The following GGT1 variants were observed in gnomAD, a reference collection of about 807,000 sequenced individuals.
GGT1 encodes glutathione hydrolase 1 proenzyme.
Under a neutral mutation model 56.0 loss-of-function variants are expected in GGT1, and 21 were observed. The ratio of observed to expected loss-of-function variants is 0.38; its 90% CI spans 0.27 to 0.54. GGT1 has a LOEUF of 0.54. Ranked by LOEUF, GGT1 falls within the 20% of genes least tolerant of loss-of-function variation. The pLI is 0.82. For missense variants in GGT1, 466 were observed against 787.0 expected, an observed-to-expected ratio of 0.59 and a Z score of 4.88; for synonymous variants, 238 against 342.6, an observed-to-expected ratio of 0.69 and a Z score of 3.37.
chr22:24,613,388 A>G (rs1173016270), intron 5 of GGT1, among the ~76,000 whole-genome samples: 1 of 152,190 alleles, frequency 6.6e-6, no homozygotes, highest in East Asian at 1.9e-4. Context: ...AAAAAATGTT[A>G]TTAATAAAGT....
At position 24,623,157 on chromosome 22, in the gene GGT1, G is replaced by A. The variant is rs772331684; in HGVS notation, c.784G>A (p.Glu262Lys). 10 of 1,606,684 alleles carry A rather than the reference G, an allele frequency of 6.2e-6. No individual in the cohort carries two copies. The highest frequency in any genetic ancestry group is 2.2e-5 in the East Asian group (1 of 44,850). Reference sequence around the variant, plus strand: ...GAACAACTACCGTGCTGAGCTGATCGAGCACCCGCTGAACATCAGCCTGGG... The same window carrying A: ...GAACAACTACCGTGCTGAGCTGATCAAGCACCCGCTGAACATCAGCCTGGG... ...DLNNYRAELI[E>K]HPLNISLGDV... Residue 262 changes from glutamate to lysine, a missense_variant, in exon 10 of 16, where the codon GAG becomes AAG. Coordinates refer to ENST00000400382, the MANE Select transcript of GGT1 (RefSeq NM_001288833.2).
At chr22:24,609,688 G>A (rs2046543139) in intron 2 of GGT1, 7 of 298,848 alleles carry the variant, frequency 2.3e-5, no homozygotes, top group South Asian at 1.1e-4. Context: ...GAAACTGACT[G>A]TGGGAGAGGG....
the GGT1 span, chr22:24,589,053 C>T: frequency 5.8e-6 from 6 of 1,025,690 alleles, no homozygotes; most frequent in Non-Finnish European, 7.1e-6. Flanking sequence ...CTGTGATGGC[C>T]GTGGGCTAGG....
chr22:24,624,052 G>A (rs1238281043), intron 11 of GGT1, 136 bp downstream of exon 11: 6 of 1,517,596 alleles, frequency 4.0e-6, no homozygotes, highest in South Asian at 3.8e-5. Flanking sequence ...CGGGCCTACT[G>A]TGTGCTCGGA....
chr22:24,627,772 A>G, intron 12 of GGT1, 80 bp from the exon 13 acceptor site: 4 of 1,556,588 alleles, frequency 2.6e-6, no homozygotes, highest in East Asian at 2.3e-5. Context: ...CTCAGTGAGT[A>G]TGTTTGAGCC....
intron 1 of GGT1, among the ~76,000 whole-genome samples, chr22:24,596,742 C>CAAAA (rs57547019): frequency 1.3e-4 from 14 of 108,312 alleles, no homozygotes; most frequent in African/African-American, 2.9e-4. Context: ...TACTAAAATA[C>CAAAA]AAAAAAAAAA....
Position 24,627,505 on chromosome 22 carries a change from C to G in GGT1, c.1094C>G (p.Pro365Arg). The stretch of plus-strand genomic sequence containing the variant: ...CAGATCTCTGACGACACCACTCACC[C>G]GATCTCCTACTACAAGCCCGAGTTC... ...RAQISDDTTHPISYYKPEFYT... is the reference protein window; with the variant it reads ...RAQISDDTTHRISYYKPEFYT... Residue 365 changes from proline to arginine, a missense_variant, in exon 12 of 16, where the codon CCG becomes CGG. This residue lies in a region of GGT1 where 456 missense variants were observed against 716.7 expected (regional missense o/e 0.64). Transcript: ENST00000400382. The G allele has an allele frequency of 2.5e-6, 4 of 1,575,614 alleles. No individual in the cohort carries two copies. The highest frequency in any genetic ancestry group is 1.6e-5 in the African/African-American group (1 of 63,648).
the GGT1 span, among the ~76,000 whole-genome samples, chr22:24,587,579 T>C: frequency 1.3e-5 from 2 of 152,118 alleles, no homozygotes; most frequent in African/African-American, 4.8e-5. Context: ...AGTTCAGGCC[T>C]CTGGGCCTGG....
upstream of GGT1, among the ~76,000 whole-genome samples, chr22:24,602,509 C>A (rs2330798): frequency 6.6e-6 from 1 of 152,198 alleles, no homozygotes; most frequent in Non-Finnish European, 1.5e-5. Context: ...GGCCTGCCAG[C>A]GCTGTGGGGG....
At chr22:24,603,712 A>T (rs2045846657) in intron 1 of GGT1, among the ~76,000 whole-genome samples, 185 bp downstream of exon 1, 2 of 150,850 alleles carry the variant, frequency 1.3e-5, no homozygotes, top group Admixed American at 6.6e-5. Context: ...AAGAGGAAAG[A>T]GTGCAGCATG....
intron 5 of GGT1, among the ~76,000 whole-genome samples, chr22:24,612,347 C>A (rs1254334473): frequency 6.8e-6 from 1 of 147,446 alleles, no homozygotes; most frequent in Non-Finnish European, 1.5e-5. Flanking sequence ...TACATGTGCA[C>A]AATGTGCAGG....
chr22:24,592,655 T>TCCAGGCGGTCGCCCTCTCG (rs1489794596), upstream of GGT1: 5 of 818,020 alleles, frequency 6.1e-6, no homozygotes, highest in Non-Finnish European at 8.7e-6. Context: ...CAGCCCTCAC[T>TCCAGGCGGTCGCCCTCTCG]CCAGGCGGTC....
In GGT1 at chr22:24,626,093, C is replaced by T. The variant is rs1017548373; in HGVS notation, c.1021-1339C>T. Among the ~76,000 whole-genome samples, 8 of 140,694 alleles carry T rather than the reference C, an allele frequency of 5.7e-5. 1 individual carries two copies. Among genetic ancestry groups the T allele is most frequent in the Non-Finnish European group, 7.5e-5 (5 of 66,500 alleles). 92.3% of individuals were successfully genotyped at this position (140,694 alleles called of 152,430 possible). On this transcript the variant is annotated intron_variant, in intron 11 of 15. Transcript: ENST00000400382. ...CTGCAAGCTCCGCCTCCCAGGTTCA[C>T]GCCATTCTCCTGCCTCAGCCCCCCA...
upstream of GGT1, among the ~76,000 whole-genome samples, chr22:24,591,439 C>T (rs1390036074): frequency 6.6e-6 from 1 of 152,216 alleles, no homozygotes; most frequent in Non-Finnish European, 1.5e-5. Context: ...CAGGAGGGGC[C>T]TCTAGACCCC....
chr22:24,605,824 A>T (rs1308080555), intron 1 of GGT1, among the ~76,000 whole-genome samples: 1 of 76,002 alleles, frequency 1.3e-5, no homozygotes, highest in East Asian at 3.6e-4. Context: ...ATTATATATT[A>T]TATGATGTGT....
At position 24,605,651 on chromosome 22, in the gene GGT1, TATA is replaced by T. The variant is rs1329119551; in HGVS notation, c.-429+2127_-429+2129del. Reference sequence around the variant, plus strand: ...AATGTGTATTATATATATAATATTATATAATGTGTATTATATATTTAATATTAT... The same window carrying T: ...AATGTGTATTATATATATAATATTATATGTGTATTATATATTTAATATTAT... On this transcript the variant is annotated intron_variant, in intron 1 of 15. Transcript: ENST00000400382. 4.4e-5 allele frequency among the ~76,000 whole-genome samples: 2 copies of T among 45,330 alleles called. 1 individual carries two copies. Among genetic ancestry groups the T allele is most frequent in the Non-Finnish European group, 6.7e-5 (2 of 29,872 alleles). The allele number at this position is 45,330 out of a possible 152,430, so 29.7% of individuals were successfully genotyped here.
intron 9 of GGT1, among the ~76,000 whole-genome samples, chr22:24,621,430 C>T (rs1190170386): frequency 1.3e-5 from 2 of 151,918 alleles, no homozygotes; most frequent in Non-Finnish European, 2.9e-5. Flanking sequence ...AGAGGAACAG[C>T]TGGGCTAAGG....
rs1207701951 is a variant in GGT1, at chr22:24,615,135, A to G, written c.382+8A>G. The G allele has an allele frequency of 6.2e-7, 1 of 1,606,666 alleles. No homozygotes were observed. The highest frequency in any genetic ancestry group is 8.5e-7 in the Non-Finnish European group (1 of 1,175,122). ...CGGAGCAGTCCCAGAAGGGTAAGCC[A>G]TGCGGCAGACTTGGGGCGTGGGTGC... On this transcript the variant is annotated splice_region_variant and intron_variant, in intron 7 of 15. Transcript: ENST00000400382.
chr22:24,624,367 C>T lies in GGT1; in HGVS notation c.1020+451C>T, dbSNP rs150371455. The T allele has an allele frequency of 1.8e-3, 1,741 of 985,396 alleles. 15 individuals are homozygous for T. In the African/African-American group the frequency reaches 0.028, roughly 16 times the overall value. 61.0% of individuals were successfully genotyped at this position (985,396 alleles called of 1,614,324 possible). A position where few individuals can be genotyped will look rare whatever the true frequency, so the allele number is the denominator to read the frequency against. The stretch of plus-strand genomic sequence containing the variant: ...CCCACTCACTCAGTAGTTGCCCCAG[C>T]TCCACACTGGGTCCCTATAAGACCC... On this transcript the variant is annotated intron_variant, in intron 11 of 15. Transcript: ENST00000400382.
Sources: allele counts gnomAD v4.1 joint callset (sites outside exome capture counted in the v4.1 genomes callset), GRCh38; gene constraint gnomAD v4.1.1; regional missense constraint gnomAD v4.1.1; transcripts MANE v1.5; gene names NCBI Gene and HGNC (gene_info 2026-07-23, HGNC 2026-07-21).